Variants in KCNQ1 observed in about 807,000 individuals in gnomAD.
KCNQ1 encodes the protein potassium voltage-gated channel subfamily KQT member 1.
KCNQ1 carries 49 observed loss-of-function variants against 72.4 expected under a neutral mutation model. The observed-to-expected ratio is 0.68, with a 90% CI of 0.54 to 0.86. KCNQ1 has a LOEUF of 0.86. Ranked by LOEUF, KCNQ1 falls within the 40% of genes least tolerant of loss-of-function variation. The probability of loss-of-function intolerance (pLI) is 0.00; values close to 1 mark genes in which losing one functional copy is unlikely to be tolerated. For synonymous variants in KCNQ1, 450 were observed against 412.6 expected, an observed-to-expected ratio of 1.09 and a Z score of -1.10; for missense variants, 790 against 945.1, an observed-to-expected ratio of 0.84 and a Z score of 2.15.
intron 11 of KCNQ1, among the ~76,000 whole-genome samples, chr11:2,760,223 G>A (rs1846368257): frequency 6.6e-6 from 1 of 152,214 alleles, no homozygotes; most frequent in Non-Finnish European, 1.5e-5. Flanking sequence ...CAGCCCCTGA[G>A]ACCACTCAGC....
At position 2,814,623 on chromosome 11, in the gene KCNQ1, C is replaced by CAAGG. The variant is rs3079081; in HGVS notation, c.1795-33111_1795-33108dup. The stretch of plus-strand genomic sequence containing the variant: ...GGATGGGTAGATGGATGGAAGGAGA[C>CAAGG]AAGGAAGGAAGGAAGGAAGGAAGGA... On this transcript the variant is annotated intron_variant, in intron 15 of 15. Coordinates refer to ENST00000155840, the MANE Select transcript of KCNQ1 (RefSeq NM_000218.3). Among the ~76,000 whole-genome samples, 940 of 142,540 alleles carry CAAGG rather than the reference C, an allele frequency of 6.6e-3. 4 individuals carry two copies. Among genetic ancestry groups the CAAGG allele is most frequent in the East Asian group, 0.024 (106 of 4,336 alleles). 93.5% of individuals were successfully genotyped at this position (142,540 alleles called of 152,430 possible). A position where few individuals can be genotyped will look rare whatever the true frequency, so the allele number is the denominator to read the frequency against.
At position 2,713,976 on chromosome 11, in the gene KCNQ1, G is replaced by A. The variant is rs1481173433; in HGVS notation, c.1514+51895G>A. ...TTCCTGCTAACTCAGGGAGCTCCAG[G>A]TGGCTGCCACTCAGGGGTGTGTGGG... is the stretch of plus-strand genomic sequence containing the variant. On this transcript the variant is annotated intron_variant, in intron 11 of 15. Transcript: ENST00000155840. The surrounding 1 kb of genome is among the most constrained non-coding windows in gnomAD (Gnocchi z 5.6). 6.6e-6 allele frequency among the ~76,000 whole-genome samples: 1 copy of A among 152,246 alleles called. No homozygotes were observed. Among genetic ancestry groups the A allele is most frequent in the East Asian group, 1.9e-4 (1 of 5,184 alleles).
rs1460736371 is a variant in KCNQ1 at position 2,651,889 on chromosome 11, T to C, written c.1394-10072T>C. ...AGTAGTGTTCAGGCTGAGGGGGTCA[T>C]AGCCGAGGGTCCCTCTGGGGCCGCT... On this transcript the variant is annotated intron_variant, in intron 10 of 15. Transcript: ENST00000155840. The surrounding 1 kb of genome is among the most constrained non-coding windows in gnomAD (Gnocchi z 6.1). 2 of 398,610 alleles carry C rather than the reference T, an allele frequency of 5.0e-6. No individual in the cohort carries two copies. Among genetic ancestry groups the C allele is most frequent in the Non-Finnish European group, 8.8e-6 (2 of 226,152 alleles). The allele number at this position is 398,610 out of a possible 1,614,324, so 24.7% of individuals were successfully genotyped here.
In KCNQ1 at chr11:2,593,770, G is replaced by A. The variant is rs541693422; in HGVS notation, c.1393+4916G>A. ...GTAGCCTCCTCCTGCTCCCGGCTCC[G>A]CGTCCTCAGCCCAACACACCAAGCC... On this transcript the variant is annotated intron_variant, in intron 10 of 15. Coordinates refer to ENST00000155840, the MANE Select transcript of KCNQ1 (RefSeq NM_000218.3). This position sits in a 1 kb window ranked among gnomAD's most constrained non-coding sequence, Gnocchi z 6.9. Among the ~76,000 whole-genome samples, 12 of 152,242 alleles carry A rather than the reference G, an allele frequency of 7.9e-5. No individual in the cohort carries two copies. The highest frequency in any genetic ancestry group is 3.9e-4 in the East Asian group (2 of 5,166).
intron 1 of KCNQ1, among the ~76,000 whole-genome samples, chr11:2,459,400 T>C (rs1298440877): frequency 6.6e-6 from 1 of 152,106 alleles, no homozygotes; most frequent in African/African-American, 2.4e-5. Context: ...GACAACCCCA[T>C]GTAGTTCCTC....
At position 2,657,138 on chromosome 11, in the gene KCNQ1, A is replaced by T; in HGVS notation, c.1394-4823A>T. The T allele has an allele frequency of 2.5e-6, 1 of 398,622 alleles. No individual in the cohort carries two copies. The allele number at this position is 398,622 out of a possible 1,614,324, so 24.7% of individuals were successfully genotyped here. On this transcript the variant is annotated intron_variant, in intron 10 of 15. Transcript: ENST00000155840. This position sits in a 1 kb window ranked among gnomAD's most constrained non-coding sequence, Gnocchi z 4.8. Reference sequence around the variant, plus strand: ...TAATGACCACTGCCTTGGAAGAAGTACTGATGTTTGGTACAGCAAGTTCTC... The same window carrying T: ...TAATGACCACTGCCTTGGAAGAAGTTCTGATGTTTGGTACAGCAAGTTCTC...
rs1408753895 is a variant in KCNQ1, at chr11:2,752,626, C to T, written c.1515-16218C>T. Among the ~76,000 whole-genome samples the T allele has an allele frequency of 6.6e-6, 1 of 152,058 alleles. No individual in the cohort carries two copies. Among genetic ancestry groups the T allele is most frequent in the East Asian group, 1.9e-4 (1 of 5,174 alleles). On this transcript the variant is annotated intron_variant, in intron 11 of 15. Coordinates refer to ENST00000155840, the MANE Select transcript of KCNQ1 (RefSeq NM_000218.3). This position sits in a 1 kb window ranked among gnomAD's most constrained non-coding sequence, Gnocchi z 5.2. ...TGGCAGAAGAGGCAAAAATAAGGTG[C>T]AAACAAGCTCCCTCAGGCCTCCTTT...
chr11:2,559,605 A>G lies in KCNQ1; in HGVS notation c.478-11023A>G, dbSNP rs1848129079. 1.3e-5 allele frequency among the ~76,000 whole-genome samples: 2 copies of G among 152,202 alleles called. No homozygotes were observed. ...GGAACGGCCATCCCCATGACGACCC[A>G]GCAAGTCCCTTGCCTCTCTCGCTCA... is the stretch of plus-strand genomic sequence containing the variant. On this transcript the variant is annotated intron_variant, in intron 2 of 15. Transcript: ENST00000155840. This position sits in a 1 kb window ranked among gnomAD's most constrained non-coding sequence, Gnocchi z 4.9.
rs368566920 is a variant in KCNQ1, at chr11:2,457,023, TACAA to T, written c.386+11543_386+11546del. Among the ~76,000 whole-genome samples the T allele has an allele frequency of 3.8e-4, 55 of 146,048 alleles. No homozygotes were observed. The highest frequency in any genetic ancestry group is 2.2e-3 in the East Asian group (11 of 4,902). ...GTAGACAGTTCTTAAAAAGAAGACA[TACAA>T]ACAGTCAAACACATGAAAAAATGCT... On this transcript the variant is annotated intron_variant, in intron 1 of 15. Coordinates refer to ENST00000155840, the MANE Select transcript of KCNQ1 (RefSeq NM_000218.3). This position sits in a 1 kb window ranked among gnomAD's most constrained non-coding sequence, Gnocchi z 5.0.
At chr11:2,777,892 CT>C in intron 14 of KCNQ1, 83 bp from the exon 15 acceptor site, 1 of 1,209,254 alleles carries the variant, frequency 8.3e-7, no homozygotes. Flanking sequence ...TCCCCCAGCC[CT>C]ACCACCCCAC....
In KCNQ1 at chr11:2,829,454, A is replaced by C. The variant is rs536018564; in HGVS notation, c.1795-18313A>C. On this transcript the variant is annotated intron_variant, in intron 15 of 15. Transcript: ENST00000155840. The stretch of plus-strand genomic sequence containing the variant: ...AAAACCTAAGGCCATTTGTAACCCA[A>C]GGGAAAACAAGAAGATGTAATCATA... Among the ~76,000 whole-genome samples the C allele has an allele frequency of 5.9e-5, 9 of 152,368 alleles. No individual in the cohort carries two copies. In the East Asian group the frequency reaches 1.2e-3, roughly 20 times the overall value.
rs181654224 is a variant in KCNQ1, at chr11:2,475,811, G to A, written c.386+30327G>A. The stretch of plus-strand genomic sequence containing the variant: ...TGATGGTTTTAAAAAGAGGCATTCC[G>A]CTACACAAGCTCTCTCATGTTTTGC... On this transcript the variant is annotated intron_variant, in intron 1 of 15. Coordinates refer to ENST00000155840, the MANE Select transcript of KCNQ1 (RefSeq NM_000218.3). The surrounding 1 kb of genome is among the most constrained non-coding windows in gnomAD (Gnocchi z 5.8). Among the ~76,000 whole-genome samples, 13 of 152,236 alleles carry A rather than the reference G, an allele frequency of 8.5e-5. No individual in the cohort carries two copies. The highest frequency in any genetic ancestry group is 3.9e-4 in the East Asian group (2 of 5,172).
chr11:2,708,194 G>T (rs187843734), intron 11 of KCNQ1, among the ~76,000 whole-genome samples: 34 of 152,334 alleles, frequency 2.2e-4, no homozygotes, highest in African/African-American at 8.2e-4. Flanking sequence ...TCCTCAGTAG[G>T]GAGAGAGCTC....
At chr11:2,571,658 C>T (rs1196701498) in intron 4 of KCNQ1, among the ~76,000 whole-genome samples, 4 of 152,078 alleles carry the variant, frequency 2.6e-5, no homozygotes, top group African/African-American at 4.8e-5. Context: ...CTCTGAACTT[C>T]CAGGACTTGG....
At position 2,669,768 on chromosome 11, in the gene KCNQ1, T is replaced by G. The variant is rs945347017; in HGVS notation, c.1514+7687T>G. On this transcript the variant is annotated intron_variant, in intron 11 of 15. Coordinates refer to ENST00000155840, the MANE Select transcript of KCNQ1 (RefSeq NM_000218.3). This position sits in a 1 kb window ranked among gnomAD's most constrained non-coding sequence, Gnocchi z 5.6. ...GCCAGCATAGAATGTCTCTTTGTGA[T>G]GGGAGATCCTGTGGGGACATTCCTT... 7 of 398,668 alleles carry G rather than the reference T, an allele frequency of 1.8e-5. No individual in the cohort carries two copies. The highest frequency in any genetic ancestry group is 2.7e-5 in the Non-Finnish European group (6 of 226,080). 24.7% of individuals were successfully genotyped at this position (398,668 alleles called of 1,614,324 possible).
In KCNQ1 at chr11:2,761,342, G is replaced by A. The variant is rs553796476; in HGVS notation, c.1515-7502G>A. On this transcript the variant is annotated intron_variant, in intron 11 of 15. Transcript: ENST00000155840. ...CTCGACCTACCCTCAACGTCCAGCC[G>A]CTTGTGTCTTCTTCTGCCGATGTGT... Among the ~76,000 whole-genome samples the A allele has an allele frequency of 3.5e-3, 535 of 152,196 alleles. 3 individuals carry two copies. The highest frequency in any genetic ancestry group is 0.012 in the African/African-American group (487 of 41,508).
rs547996714 is a variant in KCNQ1, at chr11:2,662,630, T to G, written c.1514+549T>G. ...ACGGCATGGCCAGGCCAATCCCCGG[T>G]GCCCGGCCACGGTGTGATTCCCCTG... On this transcript the variant is annotated intron_variant, in intron 11 of 15. Coordinates refer to ENST00000155840, the MANE Select transcript of KCNQ1 (RefSeq NM_000218.3). 584 of 409,816 alleles carry G rather than the reference T, an allele frequency of 1.4e-3. No homozygotes were observed. The highest frequency in any genetic ancestry group is 2.2e-3 in the Non-Finnish European group (507 of 232,212). 25.4% of individuals were successfully genotyped at this position (409,816 alleles called of 1,614,324 possible).
At chr11:2,743,227 A>G (rs1202150914) in intron 11 of KCNQ1, among the ~76,000 whole-genome samples, 1 of 151,996 alleles carries the variant, frequency 6.6e-6, no homozygotes, top group Non-Finnish European at 1.5e-5. Context: ...AGACTCCCGT[A>G]CCATGCGGGG....
In KCNQ1 at chr11:2,772,136, G is replaced by A. The variant is rs1372782273; in HGVS notation, c.1590+3217G>A. On this transcript the variant is annotated intron_variant, in intron 12 of 15. Transcript: ENST00000155840. The surrounding 1 kb of genome is among the most constrained non-coding windows in gnomAD (Gnocchi z 6.6). ...GCCAGGGTGAGGGGAGCAGTAGCCC[G>A]TGGCAGTGAGGAGCTGTGTGTGGCT... Among the ~76,000 whole-genome samples the A allele has an allele frequency of 5.3e-5, 8 of 152,126 alleles. No homozygotes were observed. The highest frequency in any genetic ancestry group is 2.1e-4 in the South Asian group (1 of 4,826).
Sources: gnomAD v4.1 joint callset for allele counts (sites outside exome capture counted in the v4.1 genomes callset) on GRCh38, gnomAD v4.1.1 for gene constraint, Gnocchi (gnomAD v3.1) non-coding constraint, MANE v1.5 for transcripts, NCBI Gene and HGNC (gene_info 2026-07-23, HGNC 2026-07-21) for gene names.